PTPRK: variants seen among roughly 807,000 people sequenced by gnomAD.
The protein encoded by PTPRK is protein tyrosine phosphatase receptor type K, also known as receptor-type tyrosine-protein phosphatase kappa.
In PTPRK, 75 loss-of-function variants were observed where a neutral mutation model predicts 178.0. That is an observed-to-expected ratio of 0.42 (90% CI 0.35 to 0.51). The LOEUF is 0.51. PTPRK is among the 20% of genes least tolerant of loss of function. The pLI, the probability that PTPRK is intolerant of heterozygous loss-of-function variation, is 0.02. For synonymous variants in PTPRK, 637 were observed against 620.6 expected (o/e 1.03, Z -0.39); for missense variants, 1,441 against 1,797.8 (o/e 0.80, Z 3.59).
chr6:128,070,449 G>T (rs963709369), intron 11 of PTPRK, among the ~76,000 whole-genome samples: 4 of 151,972 alleles, frequency 2.6e-5, no homozygotes, highest in African/African-American at 7.2e-5. Context: ...CCTGGATCTT[G>T]GACTTCCCAG....
intron 13 of PTPRK, among the ~76,000 whole-genome samples, chr6:128,037,220 A>T (rs1256138977): frequency 6.6e-6 from 1 of 152,302 alleles, no homozygotes; most frequent in East Asian, 1.9e-4. Flanking sequence ...AAGAGACATT[A>T]TATACTAAGT....
chr6:127,975,599 T>C (rs1774453766), intron 27 of PTPRK, among the ~76,000 whole-genome samples: 2 of 152,222 alleles, frequency 1.3e-5, no homozygotes, highest in Admixed American at 1.3e-4. Context: ...TAAAAAGAGC[T>C]TAATTTCATG....
At chr6:128,192,142 G>T (rs1177150169) in intron 6 of PTPRK, among the ~76,000 whole-genome samples, 1 of 152,124 alleles carries the variant, frequency 6.6e-6, no homozygotes, top group Non-Finnish European at 1.5e-5. Context: ...GTAAAAACTT[G>T]ATCAAAATAA....
At chr6:128,159,070 A>T (rs1798327979) in intron 7 of PTPRK, among the ~76,000 whole-genome samples, 1 of 151,862 alleles carries the variant, frequency 6.6e-6, no homozygotes, top group Non-Finnish European at 1.5e-5. Flanking sequence ...GTAGTCAATG[A>T]AATCAAAATT....
intron 3 of PTPRK, among the ~76,000 whole-genome samples, chr6:128,308,734 C>T (rs1471287990): frequency 6.6e-6 from 1 of 152,122 alleles, no homozygotes; most frequent in Admixed American, 6.6e-5. Context: ...AAGTAAAAAC[C>T]ACCCTACGAA....
chr6:128,391,829 C>A (rs953097814), intron 2 of PTPRK, among the ~76,000 whole-genome samples: 9 of 151,838 alleles, frequency 5.9e-5, no homozygotes, highest in Non-Finnish European at 1.2e-4. Context: ...ATTACTAAAT[C>A]TTCTCTTATA....
At chr6:128,197,775 A>G (rs988856964) in intron 6 of PTPRK, among the ~76,000 whole-genome samples, 1 of 152,074 alleles carries the variant, frequency 6.6e-6, no homozygotes, top group African/African-American at 2.4e-5. Flanking sequence ...ACATGAAATA[A>G]AGGCACAAAA....
chr6:127,968,886 G>A lies in PTPRK; in HGVS notation c.*1341C>T, dbSNP rs1352350133. ...AGAAAGAGGACACTGGAATGCTTTA[G>A]TCAATTACAAACTGCAAGCTGATGA... On this transcript the variant is annotated 3_prime_UTR_variant, in exon 30 of 30. Coordinates refer to ENST00000368226, the MANE Select transcript of PTPRK (RefSeq NM_002844.4). The A allele has an allele frequency of 6.6e-6, 1 of 152,216 alleles. No individual in the cohort carries two copies. 9.4% of individuals were successfully genotyped at this position (152,216 alleles called of 1,614,324 possible).
chr6:128,130,372 A>C (rs914339588), intron 7 of PTPRK, among the ~76,000 whole-genome samples: 1 of 152,174 alleles, frequency 6.6e-6, no homozygotes, highest in Admixed American at 6.5e-5. Context: ...GCCCGGGCAT[A>C]TATGAAAGCC....
chr6:128,326,806 C>T (rs549770892), intron 2 of PTPRK, among the ~76,000 whole-genome samples: 23 of 151,902 alleles, frequency 1.5e-4, no homozygotes, highest in Non-Finnish European at 3.2e-4. Flanking sequence ...TCTGAGAGTT[C>T]TATAATGAAT....
intron 1 of PTPRK, among the ~76,000 whole-genome samples, chr6:128,406,626 T>G (rs181099996): frequency 6.6e-6 from 1 of 152,216 alleles, no homozygotes; most frequent in Non-Finnish European, 1.5e-5. Flanking sequence ...TTTGTTAATG[T>G]TGACTGACAT....
chr6:128,218,186 C>T (rs1297226144), intron 6 of PTPRK, among the ~76,000 whole-genome samples: 1 of 152,156 alleles, frequency 6.6e-6, no homozygotes, highest in Non-Finnish European at 1.5e-5. Context: ...GTCTGCCTAA[C>T]ATAATTCAAT....
intron 2 of PTPRK, among the ~76,000 whole-genome samples, chr6:128,333,517 T>A (rs1203592002): frequency 7.3e-6 from 1 of 137,788 alleles, no homozygotes; most frequent in Non-Finnish European, 1.5e-5. Flanking sequence ...ATAAAATATA[T>A]ACCTTAATTT....
intron 7 of PTPRK, among the ~76,000 whole-genome samples, chr6:128,172,221 A>G (rs1222408084): frequency 6.6e-6 from 1 of 151,952 alleles, no homozygotes; most frequent in Non-Finnish European, 1.5e-5. Flanking sequence ...AATTTTCCCT[A>G]CCTTTGTTTT....
At chr6:128,016,677 G>A (rs972195745) in intron 13 of PTPRK, among the ~76,000 whole-genome samples, 1 of 151,424 alleles carries the variant, frequency 6.6e-6, no homozygotes, top group Non-Finnish European at 1.5e-5. Context: ...TTTTTTTTAT[G>A]GTTAGGGCCT....
intron 29 of PTPRK, 85 bp downstream of exon 29, chr6:127,972,937 T>A (rs1774101659): frequency 1.5e-6 from 2 of 1,357,004 alleles, no homozygotes; most frequent in Non-Finnish European, 2.1e-6. Flanking sequence ...TGATTCCCTA[T>A]GTGTGTATGA....
chr6:128,363,749 T>C (rs1835089820), intron 2 of PTPRK, among the ~76,000 whole-genome samples: 1 of 152,150 alleles, frequency 6.6e-6, no homozygotes, highest in African/African-American at 2.4e-5. Context: ...GTAAAAATAT[T>C]CTCAAAACAA....
chr6:128,267,958 T>C (rs1819213779), intron 3 of PTPRK, among the ~76,000 whole-genome samples: 1 of 152,048 alleles, frequency 6.6e-6, no homozygotes, highest in Admixed American at 6.6e-5. Flanking sequence ...TCTTATTTTC[T>C]AGTGATTATA....
chr6:128,051,582 G>C (rs949251126), intron 13 of PTPRK, among the ~76,000 whole-genome samples: 5 of 152,032 alleles, frequency 3.3e-5, no homozygotes, highest in African/African-American at 1.2e-4. Context: ...CCTTTCGTCA[G>C]TGTTGTGACA....
Sources: allele counts gnomAD v4.1 joint callset (sites outside exome capture counted in the v4.1 genomes callset), GRCh38; gene constraint gnomAD v4.1.1; transcripts MANE v1.5; gene names NCBI Gene and HGNC (gene_info 2026-07-23, HGNC 2026-07-21).